PCDHA12: variants seen among roughly 807,000 people sequenced by gnomAD.
PCDHA12 encodes protocadherin alpha-12.
A neutral mutation model predicts 60.0 loss-of-function variants in PCDHA12; 44 were observed. That is an observed-to-expected ratio of 0.73 (90% confidence interval 0.58 to 0.94). The LOEUF (loss-of-function observed/expected upper bound fraction) is 0.94, where lower values mean the gene tolerates loss of function less well. Ranked by LOEUF, PCDHA12 falls within the 40% of genes least tolerant of loss-of-function variation. The probability of loss-of-function intolerance (pLI) is 0.00; values close to 1 mark genes in which losing one functional copy is unlikely to be tolerated. For synonymous variants in PCDHA12, 569 were observed against 553.0 expected (o/e 1.03, Z -0.40); for missense variants, 1,276 against 1,239.7 (o/e 1.03, Z -0.44).
At chr5:141,004,156 A>G (rs2098155888) in intron 3 of PCDHA12, among the ~76,000 whole-genome samples, 1 of 152,248 alleles carries the variant, frequency 6.6e-6, no homozygotes, top group Admixed American at 6.5e-5. Flanking sequence ...GACATTTTAT[A>G]GGCAAAGCCA....
At chr5:140,991,988 C>T (rs1167776981) in intron 3 of PCDHA12, among the ~76,000 whole-genome samples, 1 of 151,478 alleles carries the variant, frequency 6.6e-6, no homozygotes, top group Non-Finnish European at 1.5e-5. Flanking sequence ...GCCTACCACC[C>T]GGTCTTTCAT....
rs1247587764 is a variant in PCDHA12 at position 140,883,158 on chromosome 5, C to T, written c.2367+5319C>T. ...GTGGTATATGCATTTACCATAAATC[C>T]GAACAATGGAGAAATTAGGACAAAA... On this transcript the variant is annotated intron_variant, in intron 1 of 3. Coordinates refer to ENST00000398631, the MANE Select transcript of PCDHA12 (RefSeq NM_018903.4). The T allele has an allele frequency of 1.9e-6, 3 of 1,613,592 alleles. No individual in the cohort carries two copies. In the African/African-American group the frequency reaches 4.0e-5, roughly 22 times the overall value.
rs532609088 is a variant in PCDHA12, at chr5:140,890,699, T to A, written c.2367+12860T>A. 2.6e-5 allele frequency among the ~76,000 whole-genome samples: 4 copies of A among 152,312 alleles called. No homozygotes were observed. In the East Asian group the frequency reaches 7.7e-4, roughly 29 times the overall value. On this transcript the variant is annotated intron_variant, in intron 1 of 3. Transcript: ENST00000398631. ...CTCCTTCTGGGAAATGCAGGGACCT[T>A]ACATTTTTAAAATCTTTTTAATCCC... is the stretch of plus-strand genomic sequence containing the variant.
At chr5:140,997,816 T>C (rs1363819907) in intron 3 of PCDHA12, among the ~76,000 whole-genome samples, 1 of 152,232 alleles carries the variant, frequency 6.6e-6, no homozygotes, top group African/African-American at 2.4e-5. Flanking sequence ...TGTTGGTATC[T>C]ATGTTTTCTA....
At chr5:140,968,162 C>A in intron 1 of PCDHA12, 1 of 1,614,122 alleles carries the variant, frequency 6.2e-7, no homozygotes, top group East Asian at 2.2e-5. Flanking sequence ...CAATGACAAT[C>A]CACCAAGCTT....
chr5:141,004,414 C>A (rs2153980954), intron 3 of PCDHA12, among the ~76,000 whole-genome samples: 1 of 152,330 alleles, frequency 6.6e-6, no homozygotes, highest in Non-Finnish European at 1.5e-5. Context: ...CTGACTAGAT[C>A]TCTGCCTCCT....
intron 1 of PCDHA12, among the ~76,000 whole-genome samples, chr5:140,949,517 C>T (rs2094387959): frequency 6.6e-6 from 1 of 151,706 alleles, no homozygotes; most frequent in African/African-American, 2.4e-5. Context: ...TTTATTGATC[C>T]TTTTATCTTC....
chr5:140,899,675 C>T lies in PCDHA12; in HGVS notation c.2367+21836C>T, dbSNP rs569711192. On this transcript the variant is annotated intron_variant, in intron 1 of 3. Coordinates refer to ENST00000398631, the MANE Select transcript of PCDHA12 (RefSeq NM_018903.4). The stretch of plus-strand genomic sequence containing the variant: ...TTGTGTCTCTGCCCGGCTTTGGTAT[C>T]AGGATGATGCTGGCCTCATAAAATG... Among the ~76,000 whole-genome samples the T allele has an allele frequency of 4.6e-3, 702 of 152,296 alleles. 3 individuals are homozygous for T. The highest frequency in any genetic ancestry group is 0.016 in the African/African-American group (679 of 41,556).
rs782033453 is a variant in PCDHA12 at position 140,876,709 on chromosome 5, C to T, written c.1237C>T (p.Leu413=). ...NYYSLVLDSA[L]DRESVSAYEL... is the part of the protein sequence containing the mutation. ...CTACTCGTTGGTGCTGGACAGCGCCCTGGACCGCGAGAGCGTGTCGGCCTA... is the reference window on the plus strand; with the variant it reads ...CTACTCGTTGGTGCTGGACAGCGCCTTGGACCGCGAGAGCGTGTCGGCCTA... The change falls in exon 1 of 4, where the codon CTG becomes TTG. Residue 413 remains leucine, a synonymous_variant. Coordinates refer to ENST00000398631, the MANE Select transcript of PCDHA12 (RefSeq NM_018903.4). 1 of 1,614,248 alleles carries T rather than the reference C, an allele frequency of 6.2e-7. No individual in the cohort carries two copies. The highest frequency in any genetic ancestry group is 8.5e-7 in the Non-Finnish European group (1 of 1,180,044).
intron 1 of PCDHA12, among the ~76,000 whole-genome samples, chr5:140,941,916 A>G (rs191775899): frequency 2.8e-3 from 421 of 152,316 alleles, no homozygotes; most frequent in Middle Eastern, 6.8e-3. Flanking sequence ...GCTTTTATGT[A>G]TATCTTAAAA....
intron 1 of PCDHA12, chr5:140,929,861 G>C (rs2086430114): frequency 6.5e-6 from 1 of 153,628 alleles, no homozygotes; most frequent in Admixed American, 6.5e-5. Context: ...AGTCAGAGAA[G>C]GCTTTGTGAT....
intron 3 of PCDHA12, among the ~76,000 whole-genome samples, chr5:140,991,824 A>T (rs1326935155): frequency 1.3e-5 from 2 of 152,240 alleles, no homozygotes; most frequent in Non-Finnish European, 2.9e-5. Context: ...TTAGGCATTT[A>T]TAACGGCAGA....
chr5:140,960,120 C>A (rs2095527331), intron 1 of PCDHA12, among the ~76,000 whole-genome samples: 1 of 152,118 alleles, frequency 6.6e-6, no homozygotes, highest in African/African-American at 2.4e-5. Context: ...AATAGTATTC[C>A]TTATGAAATA....
At chr5:140,965,911 G>C (rs1476309026) in intron 1 of PCDHA12, among the ~76,000 whole-genome samples, 1 of 152,206 alleles carries the variant, frequency 6.6e-6, no homozygotes, top group African/African-American at 2.4e-5. Context: ...CCAGGATGCT[G>C]GTTTTAGGCT....
intron 1 of PCDHA12, chr5:140,928,682 C>T (rs782513735): frequency 6.2e-7 from 1 of 1,614,174 alleles, no homozygotes; most frequent in Non-Finnish European, 8.5e-7. Flanking sequence ...GCCTGGCTTT[C>T]CTACCACATC....
intron 1 of PCDHA12, among the ~76,000 whole-genome samples, chr5:140,951,950 G>A (rs1408300368): frequency 6.6e-6 from 1 of 152,120 alleles, no homozygotes; most frequent in Non-Finnish European, 1.5e-5. Flanking sequence ...GCGGGTACAG[G>A]CATTGGGTAA....
chr5:140,946,631 T>TATATATATATATAC (rs57893927), intron 1 of PCDHA12, among the ~76,000 whole-genome samples: 2,707 of 131,678 alleles, frequency 0.021, 122 homozygotes, highest in African/African-American at 0.036. Flanking sequence ...TATATATATA[T>TATATATATATATAC]ACAATGGAAT....
rs868938085 is a variant in PCDHA12, at chr5:140,882,236, T to C, written c.2367+4397T>C. On this transcript the variant is annotated intron_variant, in intron 1 of 3. Coordinates refer to ENST00000398631, the MANE Select transcript of PCDHA12 (RefSeq NM_018903.4). ...AGTTTGAGGTAAGGCGTTGTATATA[T>C]TGCAGATAGCTCTGAGGTTTTTGGA... 7.6e-6 allele frequency: 12 copies of C among 1,581,516 alleles called. 1 individual carries two copies. The Middle Eastern group carries it at 1.0e-3, about 134-fold the overall frequency.
intron 1 of PCDHA12, chr5:140,966,279 G>C (rs1429727504): frequency 3.3e-5 from 12 of 364,508 alleles, no homozygotes; most frequent in Non-Finnish European, 4.9e-5. Context: ...ACTGGACAGT[G>C]GGGGTAGGGA....
Sources: gnomAD v4.1 joint callset for allele counts (sites outside exome capture counted in the v4.1 genomes callset) on GRCh38, gnomAD v4.1.1 for gene constraint, MANE v1.5 for transcripts, NCBI Gene and HGNC (gene_info 2026-07-23, HGNC 2026-07-21) for gene names.